The following ANTXRL variants were observed in gnomAD, a reference collection of about 807,000 sequenced individuals.
The protein encoded by ANTXRL is anthrax toxin receptor-like.
Under a neutral mutation model 75.4 loss-of-function variants are expected in ANTXRL, and 63 were observed. The ratio of observed to expected loss-of-function variants is 0.84; its 90% CI spans 0.68 to 1.03. The LOEUF is 1.03. Among genes scored for constraint, ANTXRL ranks in the 50% least tolerant of loss-of-function variants. The probability of loss-of-function intolerance (pLI) is 0.00; values close to 1 mark genes in which losing one functional copy is unlikely to be tolerated. For synonymous variants in ANTXRL, 335 were observed against 291.3 expected, an observed-to-expected ratio of 1.15 and a Z score of -1.53; for missense variants, 797 against 789.4, an observed-to-expected ratio of 1.01 and a Z score of -0.12.
chr10:46,327,111 G>A (rs1839253975), intron 16 of ANTXRL, among the ~76,000 whole-genome samples: 1 of 152,156 alleles, frequency 6.6e-6, no homozygotes, highest in Admixed American at 6.5e-5. Context: ...CTGGGCTTGG[G>A]CGTGCAACAT....
rs537037544 is a variant in ANTXRL at position 46,305,856 on chromosome 10, C to T, written c.896-947C>T. On this transcript the variant is annotated intron_variant, in intron 10 of 16. Coordinates refer to ENST00000620264, the MANE Select transcript of ANTXRL (RefSeq NM_001278688.3). ...GCTTCCTCATCTTGGTAAATGGTGT[C>T]GCTGTCCACCCAGTTGTTCTGGTCA... Among the ~76,000 whole-genome samples, 6 of 152,154 alleles carry T rather than the reference C, an allele frequency of 3.9e-5. No individual in the cohort carries two copies. The South Asian group carries it at 8.3e-4, about 21-fold the overall frequency.
intron 9 of ANTXRL, among the ~76,000 whole-genome samples, chr10:46,299,895 T>C (rs1227042150): frequency 1.3e-5 from 2 of 152,202 alleles, no homozygotes; most frequent in Non-Finnish European, 2.9e-5. Flanking sequence ...CGACCCCGCC[T>C]CTCCCCCATG....
chr10:46,295,852 C>A (rs1312816980), intron 3 of ANTXRL, among the ~76,000 whole-genome samples, 167 bp from the exon 4 acceptor site: 5 of 152,148 alleles, frequency 3.3e-5, no homozygotes, highest in Admixed American at 3.3e-4. Flanking sequence ...GGCTTGAAAT[C>A]TCTGGTCAAA....
intron 1 of ANTXRL, among the ~76,000 whole-genome samples, chr10:46,288,516 C>A (rs1207235185): frequency 2.0e-5 from 3 of 152,120 alleles, no homozygotes; most frequent in African/African-American, 7.2e-5. Context: ...CCCAGCCCAC[C>A]AATTCCCATG....
intron 12 of ANTXRL, chr10:46,308,457 G>A (rs1554962558): frequency 2.9e-6 from 1 of 346,642 alleles, no homozygotes; most frequent in African/African-American, 3.5e-5. Flanking sequence ...CCCCTCTCCA[G>A]CCTTCTCTTA....
Position 46,287,422 on chromosome 10 carries a change from C to T in ANTXRL, c.160C>T (p.His54Tyr), listed in dbSNP as rs1344143741. 6.5e-7 allele frequency: 1 copy of T among 1,535,832 alleles called. No homozygotes were observed. Among genetic ancestry groups the T allele is most frequent in the Non-Finnish European group, 8.7e-7 (1 of 1,146,768 alleles). Residue 54 changes from histidine to tyrosine, a missense_variant, in exon 1 of 17, where the codon CAT (histidine) becomes TAT (tyrosine). By Grantham distance (83) the His-to-Tyr change is moderately conservative (BLOSUM62 2). This residue lies in a region of ANTXRL where 262 missense variants were observed against 271.9 expected (regional missense o/e 0.96). Transcript: ENST00000620264. ...ALGSRRAHHHHGPGWRQHWRQ... is the reference protein window; with the variant it reads ...ALGSRRAHHHYGPGWRQHWRQ... Reference sequence around the variant, plus strand: ...GGGCTCCAGGAGAGCCCACCACCACCATGGCCCAGGATGGAGGCAGCACTG... The same window carrying T: ...GGGCTCCAGGAGAGCCCACCACCACTATGGCCCAGGATGGAGGCAGCACTG...
At chr10:46,292,438 G>A (rs1213994186) in intron 2 of ANTXRL, among the ~76,000 whole-genome samples, 3 of 152,116 alleles carry the variant, frequency 2.0e-5, no homozygotes, top group Admixed American at 6.5e-5. Flanking sequence ...CTGGAACTCC[G>A]AGTTGCTGAG....
chr10:46,304,894 T>C (rs2132755773), intron 10 of ANTXRL, among the ~76,000 whole-genome samples: 1 of 152,240 alleles, frequency 6.6e-6, no homozygotes, highest in East Asian at 1.9e-4. Flanking sequence ...CCTGTGGGTG[T>C]ACTGGCTTCC....
intron 1 of ANTXRL, among the ~76,000 whole-genome samples, chr10:46,288,050 C>G (rs1836836893): frequency 6.6e-6 from 1 of 152,038 alleles, no homozygotes. Context: ...CCTACACTTT[C>G]AGAACAGTTT....
chr10:46,292,739 G>C (rs1329896577), intron 2 of ANTXRL: 3 of 155,678 alleles, frequency 1.9e-5, no homozygotes, highest in Non-Finnish European at 2.8e-5. Flanking sequence ...TAGAGAGCCA[G>C]AGAAGGCTCT....
chr10:46,323,527 G>C (rs901790019), intron 16 of ANTXRL, among the ~76,000 whole-genome samples: 2 of 152,146 alleles, frequency 1.3e-5, no homozygotes, highest in African/African-American at 2.4e-5. Flanking sequence ...AAACTTAATA[G>C]ACTTTTCACA....
intron 3 of ANTXRL, among the ~76,000 whole-genome samples, chr10:46,294,534 C>T (rs1837250443): frequency 6.6e-6 from 1 of 152,138 alleles, no homozygotes; most frequent in Non-Finnish European, 1.5e-5. Flanking sequence ...ATGCCCGGAA[C>T]TGGGCCCAGA....
chr10:46,299,957 C>T (rs1327607728), intron 9 of ANTXRL, among the ~76,000 whole-genome samples: 2 of 152,174 alleles, frequency 1.3e-5, no homozygotes, highest in Non-Finnish European at 1.5e-5. Context: ...CCCTCGGGGT[C>T]TCTTTCTGTT....
Position 46,296,020 on chromosome 10 carries a change from A to T in ANTXRL, c.394A>T (p.Asn132Tyr). 6.5e-7 allele frequency: 1 copy of T among 1,535,526 alleles called. No individual in the cohort carries two copies. Among genetic ancestry groups the T allele is most frequent in the South Asian group, 1.2e-5 (1 of 84,040 alleles). Residue 132 changes from asparagine (N) to tyrosine (Y), a missense_variant and splice_region_variant, in exon 4 of 17, where the codon AAT becomes TAT. Transcript: ENST00000620264. ...QTVLPLTSDK[N>Y]RIKNGLDQLQ... ...ACCACCTTTTTAAATTTTTTTCAGG[A>T]ATAGAATAAAAAACGGTCTTGACCA...
Position 46,307,429 on chromosome 10 carries a change from C to A in ANTXRL, c.993C>A (p.Asn331Lys). ...GEEYSIEVSLNKGKTFFKSNV... is the reference protein window; with the variant it reads ...GEEYSIEVSLKKGKTFFKSNV... ...AGTACTCTATTGAAGTCAGCTTGAA[C>A]AAAGGCAAAACATTCTTCAAGAGCA... The change falls in exon 12 of 17, where the codon AAC (asparagine) becomes AAA (lysine). Residue 331 changes from asparagine to lysine, a missense_variant. Physicochemically the swap from Asn to Lys is moderately conservative, Grantham distance 94 (BLOSUM62 0). Coordinates refer to ENST00000620264, the MANE Select transcript of ANTXRL (RefSeq NM_001278688.3). 6.5e-7 allele frequency: 1 copy of A among 1,536,226 alleles called. No homozygotes were observed. Among genetic ancestry groups the A allele is most frequent in the Non-Finnish European group, 8.7e-7 (1 of 1,146,734 alleles).
chr10:46,290,359 G>A (rs1484505639), intron 1 of ANTXRL, among the ~76,000 whole-genome samples: 7 of 152,160 alleles, frequency 4.6e-5, no homozygotes. Context: ...CTTTTCGTCT[G>A]TTGATGGACA....
intron 16 of ANTXRL, among the ~76,000 whole-genome samples, chr10:46,319,504 T>C (rs1554965210): frequency 6.6e-6 from 1 of 152,144 alleles, no homozygotes; most frequent in African/African-American, 2.4e-5. Context: ...ACAATGTTTC[T>C]TATGAAGCAA....
chr10:46,306,454 GTCCCTTCCTCTCTGGT>G lies in ANTXRL; in HGVS notation c.896-343_896-328del, dbSNP rs1838089524. ...AGAAGTCATGCATAATGAAGCGGCTGTCCCTTCCTCTCTGGTTCCCTCACCTCCTCTGGTCATGGAC... is the reference window on the plus strand; with the variant it reads ...AGAAGTCATGCATAATGAAGCGGCTGTCCCTCACCTCCTCTGGTCATGGAC... On this transcript the variant is annotated intron_variant, in intron 10 of 16. Transcript: ENST00000620264. 3.3e-5 allele frequency among the ~76,000 whole-genome samples: 5 copies of G among 152,276 alleles called. No homozygotes were observed. In the South Asian group the frequency reaches 1.0e-3, roughly 32 times the overall value.
chr10:46,296,359 C>T (rs1232423625), intron 5 of ANTXRL, 107 bp downstream of exon 5: 2 of 1,287,190 alleles, frequency 1.6e-6, no homozygotes, highest in African/African-American at 3.0e-5. Flanking sequence ...TGCCCTGCCT[C>T]TTGGAGCAAG....
Sources: allele counts gnomAD v4.1 joint callset (sites outside exome capture counted in the v4.1 genomes callset), GRCh38; gene constraint gnomAD v4.1.1; regional missense constraint gnomAD v4.1.1; transcripts MANE v1.5; gene names NCBI Gene and HGNC (gene_info 2026-07-23, HGNC 2026-07-21).